The following HS6ST3 variants were observed in gnomAD, a reference collection of about 807,000 sequenced individuals.
HS6ST3 encodes the protein heparan sulfate 6-O-sulfotransferase 3.
HS6ST3 carries 12 observed loss-of-function variants against 36.7 expected under a neutral mutation model. The observed-to-expected ratio is 0.33, with a 90% CI of 0.21 to 0.53. HS6ST3 has a LOEUF of 0.53. Among genes scored for constraint, HS6ST3 ranks in the 20% least tolerant of loss-of-function variants. The pLI, the probability that HS6ST3 is intolerant of heterozygous loss-of-function variation, is 0.95. For synonymous variants in HS6ST3, 240 were observed against 257.5 expected (o/e 0.93, Z 0.65); for missense variants, 584 against 640.9 (o/e 0.91, Z 0.96).
chr13:96,766,266 G>C (rs987945090), intron 1 of HS6ST3, among the ~76,000 whole-genome samples: 1 of 152,182 alleles, frequency 6.6e-6, no homozygotes, highest in Non-Finnish European at 1.5e-5. Context: ...TTGATACCTT[G>C]AAAAGTAAAT....
At chr13:96,817,888 C>T (rs1878455822) in intron 1 of HS6ST3, among the ~76,000 whole-genome samples, 1 of 152,090 alleles carries the variant, frequency 6.6e-6, no homozygotes, top group Non-Finnish European at 1.5e-5. Flanking sequence ...GGATGCGCCC[C>T]CTCCCAACAC....
chr13:96,501,191 G>T (rs1265166032), intron 1 of HS6ST3, among the ~76,000 whole-genome samples: 3 of 152,174 alleles, frequency 2.0e-5, no homozygotes, highest in Admixed American at 2.0e-4. Context: ...TTAGTCATTA[G>T]TGTGTTGTGC....
At chr13:96,348,554 A>G (rs1253744982) in intron 1 of HS6ST3, among the ~76,000 whole-genome samples, 1 of 152,250 alleles carries the variant, frequency 6.6e-6, no homozygotes, top group Non-Finnish European at 1.5e-5. Context: ...TACTGAAACC[A>G]ACATGTGTAC....
In HS6ST3 at chr13:96,783,569, C is replaced by CT. The variant is rs113084867; in HGVS notation, c.708-48907dup. The stretch of plus-strand genomic sequence containing the variant: ...ACTATGGGGCATTAGAAAAATAAAG[C>CT]TTTTTTTTTTTTTTCTGCCTTATGT... On this transcript the variant is annotated intron_variant, in intron 1 of 1. Transcript: ENST00000376705. Among the ~76,000 whole-genome samples, 613 of 140,394 alleles carry CT rather than the reference C, an allele frequency of 4.4e-3. 3 individuals are homozygous for CT. The highest frequency in any genetic ancestry group is 5.0e-3 in the African/African-American group (191 of 38,460). The allele number at this position is 140,394 out of a possible 152,430, so 92.1% of individuals were successfully genotyped here.
At chr13:96,199,334 C>T (rs1045618841) in intron 1 of HS6ST3, among the ~76,000 whole-genome samples, 1 of 152,136 alleles carries the variant, frequency 6.6e-6, no homozygotes, top group African/African-American at 2.4e-5. Context: ...CATTGTGGAA[C>T]AATTATGGTG....
chr13:96,759,396 T>A (rs1876911545), intron 1 of HS6ST3, among the ~76,000 whole-genome samples: 1 of 151,888 alleles, frequency 6.6e-6, no homozygotes, highest in African/African-American at 2.4e-5. Context: ...AAAAGAACAT[T>A]TTTAAAATTT....
At chr13:96,640,713 C>T (rs1227521966) in intron 1 of HS6ST3, among the ~76,000 whole-genome samples, 1 of 151,928 alleles carries the variant, frequency 6.6e-6, no homozygotes, top group African/African-American at 2.4e-5. Context: ...ATTTTTCATT[C>T]ATTTTGAGTA....
intron 1 of HS6ST3, among the ~76,000 whole-genome samples, chr13:96,335,250 C>T (rs764209990): frequency 2.0e-5 from 3 of 152,052 alleles, no homozygotes; most frequent in Non-Finnish European, 4.4e-5. Context: ...GTGAGGTGTC[C>T]CAGGAACTCT....
At position 96,161,718 on chromosome 13, in the gene HS6ST3, A is replaced by T. The variant is rs1180218421; in HGVS notation, c.707+70149A>T. Among the ~76,000 whole-genome samples the T allele has an allele frequency of 4.6e-5, 7 of 152,310 alleles. No individual in the cohort carries two copies. The East Asian group carries it at 1.4e-3, about 29-fold the overall frequency. ...AATATTTAAAAGGAATGATTATAAA[A>T]CCAACAAATTCATATCTGTGCTAAC... On this transcript the variant is annotated intron_variant, in intron 1 of 1. Transcript: ENST00000376705.
chr13:96,813,322 A>T (rs1025131997), intron 1 of HS6ST3, among the ~76,000 whole-genome samples: 10 of 152,150 alleles, frequency 6.6e-5, no homozygotes, highest in African/African-American at 2.2e-4. Context: ...ACTGAATGGA[A>T]GGGTATCAAA....
intron 1 of HS6ST3, among the ~76,000 whole-genome samples, chr13:96,467,242 A>T (rs2055818624): frequency 6.6e-6 from 1 of 152,068 alleles, no homozygotes; most frequent in South Asian, 2.1e-4. Context: ...TGCCTATTCT[A>T]TGGGAAGCTA....
At chr13:96,663,632 C>T (rs970949981) in intron 1 of HS6ST3, among the ~76,000 whole-genome samples, 5 of 152,090 alleles carry the variant, frequency 3.3e-5, no homozygotes, top group African/African-American at 1.2e-4. Context: ...ACCACACAGC[C>T]CTGTTCCCAC....
chr13:96,413,972 C>A (rs1403592665), intron 1 of HS6ST3, among the ~76,000 whole-genome samples: 7 of 152,176 alleles, frequency 4.6e-5, no homozygotes, highest in African/African-American at 1.4e-4. Context: ...ATGTTAAACA[C>A]AAGCAACAAA....
chr13:96,693,182 C>A (rs1875021597), intron 1 of HS6ST3, among the ~76,000 whole-genome samples: 1 of 152,088 alleles, frequency 6.6e-6, no homozygotes, highest in African/African-American at 2.4e-5. Context: ...TCCTGTTTCA[C>A]CTGTTTTTAA....
intron 1 of HS6ST3, among the ~76,000 whole-genome samples, chr13:96,532,545 AAAG>A (rs1167622107): frequency 1.3e-5 from 2 of 152,248 alleles, no homozygotes; most frequent in African/African-American, 4.8e-5. Context: ...AGCAGGACTC[AAAG>A]AAGGTGAGAA....
intron 1 of HS6ST3, among the ~76,000 whole-genome samples, chr13:96,380,592 T>C (rs2055336264): frequency 6.6e-6 from 1 of 152,180 alleles, no homozygotes; most frequent in African/African-American, 2.4e-5. Flanking sequence ...GATGACAAGT[T>C]CTTAAAGAGT....
intron 1 of HS6ST3, among the ~76,000 whole-genome samples, chr13:96,253,840 G>T (rs1473103398): frequency 1.3e-5 from 2 of 152,136 alleles, no homozygotes; most frequent in Non-Finnish European, 2.9e-5. Context: ...GCTTTTCTAT[G>T]ATGGGGCTCC....
At chr13:96,796,290 G>C (rs771670345) in intron 1 of HS6ST3, among the ~76,000 whole-genome samples, 2 of 151,992 alleles carry the variant, frequency 1.3e-5, no homozygotes, top group Non-Finnish European at 2.9e-5. Flanking sequence ...ACATGACAGC[G>C]ATAAACAGAT....
intron 1 of HS6ST3, among the ~76,000 whole-genome samples, chr13:96,250,653 A>T (rs970184615): frequency 8.5e-5 from 13 of 152,198 alleles, no homozygotes; most frequent in African/African-American, 2.4e-4. Flanking sequence ...CTATTGGTTT[A>T]AGCCACCAAG....
Sources: gnomAD v4.1 joint callset for allele counts (sites outside exome capture counted in the v4.1 genomes callset) on GRCh38, gnomAD v4.1.1 for gene constraint, MANE v1.5 for transcripts, NCBI Gene and HGNC (gene_info 2026-07-23, HGNC 2026-07-21) for gene names.